MRPS22: variants seen among roughly 807,000 people sequenced by gnomAD.
MRPS22 encodes mitochondrial ribosomal protein S22.
Under a neutral mutation model 44.0 loss-of-function variants are expected in MRPS22, and 30 were observed. The ratio of observed to expected loss-of-function variants is 0.68; its 90% CI spans 0.51 to 0.93. MRPS22 has a LOEUF of 0.93. MRPS22 is among the 40% of genes least tolerant of loss of function. The probability of loss-of-function intolerance (pLI) is 0.00; values close to 1 mark genes in which losing one functional copy is unlikely to be tolerated. For synonymous variants in MRPS22, 165 were observed against 154.4 expected (o/e 1.07, Z -0.51); for missense variants, 447 against 447.8 (o/e 1.00, Z 0.02).
At chr3:139,344,765 G>A (rs1941006664) in intron 1 of MRPS22, 1 of 657,012 alleles carries the variant, frequency 1.5e-6, no homozygotes, top group East Asian at 2.7e-5. Flanking sequence ...GAGTTTAAAG[G>A]GACAAATTAA....
chr3:139,348,464 T>C (rs1011682930), intron 3 of MRPS22, 140 bp downstream of exon 3: 27 of 809,856 alleles, frequency 3.3e-5, no homozygotes, highest in African/African-American at 3.0e-4. Flanking sequence ...CTGGAAGATA[T>C]ACTATATGAG....
chr3:139,352,426 G>T (rs1941168093), intron 5 of MRPS22: 2 of 483,514 alleles, frequency 4.1e-6, no homozygotes, highest in East Asian at 3.9e-5. Flanking sequence ...GAGCCACTGT[G>T]CCTGGCCAAA....
rs183722249 is a variant in MRPS22 at position 139,348,760 on chromosome 3, A to G, written c.504+436A>G. On this transcript the variant is annotated intron_variant, in intron 3 of 7. Coordinates refer to ENST00000680020, the MANE Select transcript of MRPS22 (RefSeq NM_020191.4). ...TGATGCCAAGAAACTCAGGCATCATAAAGGATTTTCGCTTTCCAGAATTTT... is the reference window on the plus strand; with the variant it reads ...TGATGCCAAGAAACTCAGGCATCATGAAGGATTTTCGCTTTCCAGAATTTT... 3.9e-5 allele frequency among the ~76,000 whole-genome samples: 6 copies of G among 152,372 alleles called. No homozygotes were observed. The East Asian group carries it at 5.8e-4, about 15-fold the overall frequency.
chr3:139,352,879 A>G, intron 6 of MRPS22, 87 bp downstream of exon 6: 6 of 1,380,544 alleles, frequency 4.3e-6, no homozygotes, highest in Non-Finnish European at 6.1e-6. Flanking sequence ...TTCCAGTGAT[A>G]ACAGTGTACT....
At chr3:139,354,676 T>TGA (rs933465076) in intron 6 of MRPS22, among the ~76,000 whole-genome samples, 11 of 152,158 alleles carry the variant, frequency 7.2e-5, no homozygotes, top group African/African-American at 2.7e-4. Flanking sequence ...ATTCTGTACT[T>TGA]ACTCCCACTG....
chr3:139,347,010 C>A lies in MRPS22; in HGVS notation c.305C>A (p.Thr102Asn), dbSNP rs962017313. Reference sequence around the variant, plus strand: ...GCTATACAAGAACTGAAGCCACCAACCTATAAGCTAATGACTCAGGCACAG... The same window carrying A: ...GCTATACAAGAACTGAAGCCACCAAACTATAAGCTAATGACTCAGGCACAG... ...KPAIQELKPPTYKLMTQAQLE... is the reference protein window; with the variant it reads ...KPAIQELKPPNYKLMTQAQLE... Residue 102 changes from threonine to asparagine, a missense_variant, in exon 2 of 8, where the codon ACC (threonine) becomes AAC (asparagine). Transcript: ENST00000680020. 6.2e-7 allele frequency: 1 copy of A among 1,614,166 alleles called. No individual in the cohort carries two copies.
intron 6 of MRPS22, among the ~76,000 whole-genome samples, chr3:139,354,692 C>G (rs939898115): frequency 6.6e-6 from 1 of 152,134 alleles, no homozygotes; most frequent in African/African-American, 2.4e-5. Context: ...CACTGTCACC[C>G]TGCTCTTCAT....
intron 1 of MRPS22, among the ~76,000 whole-genome samples, chr3:139,344,907 G>T (rs890343463): frequency 6.6e-6 from 1 of 152,132 alleles, no homozygotes; most frequent in African/African-American, 2.4e-5. Flanking sequence ...TCAGGAGATG[G>T]GAAAGGAGGC....
intron 3 of MRPS22, 90 bp from the exon 4 acceptor site, chr3:139,350,089 G>A: frequency 1.4e-6 from 2 of 1,472,514 alleles, no homozygotes; most frequent in Non-Finnish European, 1.9e-6. Flanking sequence ...ATTGTTGATT[G>A]CAAATTATTC....
rs1400857583 is a variant in MRPS22 at position 139,346,908 on chromosome 3, C to T, written c.203C>T (p.Pro68Leu). ...TCTGGTAGCCCAGAGACCAAGAAACCTACATTTATGGATGAGGAAGTTCAA... is the reference window on the plus strand; with the variant it reads ...TCTGGTAGCCCAGAGACCAAGAAACTTACATTTATGGATGAGGAAGTTCAA... ...AESGSPETKK[P>L]TFMDEEVQSI... The change falls in exon 2 of 8, where the codon CCT becomes CTT. Residue 68 changes from proline to leucine, a missense_variant. Coordinates refer to ENST00000680020, the MANE Select transcript of MRPS22 (RefSeq NM_020191.4). The T allele has an allele frequency of 1.2e-6, 2 of 1,614,072 alleles. No homozygotes were observed. The highest frequency in any genetic ancestry group is 8.5e-7 in the Non-Finnish European group (1 of 1,179,994).
chr3:139,356,902 CTTT>C lies in MRPS22; in HGVS notation c.988-14_988-12del. 1 of 1,584,758 alleles carries C rather than the reference CTTT, an allele frequency of 6.3e-7. No individual in the cohort carries two copies. On this transcript the variant is annotated splice_polypyrimidine_tract_variant and intron_variant, in intron 7 of 7. Coordinates refer to ENST00000680020, the MANE Select transcript of MRPS22 (RefSeq NM_020191.4). ...ATATGTCCTATTGTTTTAAAATTTT[CTTT>C]TTAATTTAAACAGGTCTTTGCAAAA...
At chr3:139,344,327 C>G (rs1940995659) in intron 1 of MRPS22, 129 bp downstream of exon 1, 1 of 1,006,688 alleles carries the variant, frequency 9.9e-7, no homozygotes, top group African/African-American at 1.6e-5. Context: ...CAGCTGTCTT[C>G]CTTCTGTACC....
intron 1 of MRPS22, 51 bp downstream of exon 1, chr3:139,344,249 TC>T: frequency 6.4e-7 from 1 of 1,552,844 alleles, no homozygotes; most frequent in Admixed American, 1.9e-5. Context: ...GAGACGTAGA[TC>T]CTGTTTCTGG....
intron 1 of MRPS22, among the ~76,000 whole-genome samples, 189 bp downstream of exon 1, chr3:139,344,387 A>G (rs1466911857): frequency 1.3e-5 from 2 of 152,190 alleles, no homozygotes; most frequent in Non-Finnish European, 1.5e-5. Context: ...CACTCACTCA[A>G]CTACAGTGCC....
rs1196534406 is a variant in MRPS22 at position 139,348,505 on chromosome 3, T to G, written c.504+181T>G. Reference sequence around the variant, plus strand: ...AGAAATGCAGACCAGCCCCACATCATGGTGTTACCATTTCTCAGCAGATAA... The same window carrying G: ...AGAAATGCAGACCAGCCCCACATCAGGGTGTTACCATTTCTCAGCAGATAA... On this transcript the variant is annotated intron_variant, in intron 3 of 7. Transcript: ENST00000680020. 5 of 643,420 alleles carry G rather than the reference T, an allele frequency of 7.8e-6. No homozygotes were observed. In the African/African-American group the frequency reaches 9.0e-5, roughly 12 times the overall value. The allele number at this position is 643,420 out of a possible 1,614,324, so 39.9% of individuals were successfully genotyped here.
At chr3:139,344,744 G>T (rs1424577980) in intron 1 of MRPS22, 1 of 691,522 alleles carries the variant, frequency 1.4e-6, no homozygotes, top group South Asian at 1.5e-5. Context: ...CTTGATTAAG[G>T]CTTTGGATAT....
At chr3:139,344,741 A>G (rs1941006391) in intron 1 of MRPS22, 1 of 693,222 alleles carries the variant, frequency 1.4e-6, no homozygotes, top group South Asian at 1.5e-5. Context: ...AGGCTTGATT[A>G]AGGCTTTGGA....
Position 139,352,637 on chromosome 3 carries a change from A to G in MRPS22, c.733-10A>G. The stretch of plus-strand genomic sequence containing the variant: ...TCATGTTTCTGAAGAGTTGCATTTT[A>G]TGTGGATAGGTTCATCACAAGACCT... On this transcript the variant is annotated splice_polypyrimidine_tract_variant and intron_variant, in intron 5 of 7. Transcript: ENST00000680020. The G allele has an allele frequency of 6.2e-7, 1 of 1,612,152 alleles. No individual in the cohort carries two copies. Among genetic ancestry groups the G allele is most frequent in the Non-Finnish European group, 8.5e-7 (1 of 1,178,440 alleles).
chr3:139,349,889 A>T (rs1051113703), intron 3 of MRPS22, among the ~76,000 whole-genome samples: 5 of 152,232 alleles, frequency 3.3e-5, no homozygotes, highest in African/African-American at 9.6e-5. Flanking sequence ...TCTAAAATGG[A>T]TATAGATGAA....
Sources: gnomAD v4.1 joint callset for allele counts (sites outside exome capture counted in the v4.1 genomes callset) on GRCh38, gnomAD v4.1.1 for gene constraint, MANE v1.5 for transcripts, NCBI Gene and HGNC (gene_info 2026-07-23, HGNC 2026-07-21) for gene names.